SLC9A9: variants seen among roughly 807,000 people sequenced by gnomAD.
SLC9A9 encodes the protein sodium/hydrogen exchanger 9.
Under a neutral mutation model 77.8 loss-of-function variants are expected in SLC9A9, and 62 were observed. The observed-to-expected ratio is 0.80, with a 90% CI of 0.65 to 0.98. SLC9A9 has a LOEUF of 0.98. Among genes scored for constraint, SLC9A9 ranks in the 50% least tolerant of loss-of-function variants. The pLI is 0.00. For synonymous variants in SLC9A9, 320 were observed against 283.5 expected (o/e 1.13, Z -1.29); for missense variants, 775 against 774.9 (o/e 1.00, Z 0.00).
chr3:143,819,641 G>A (rs775587043), intron 2 of SLC9A9, among the ~76,000 whole-genome samples: 56 of 152,138 alleles, frequency 3.7e-4, no homozygotes, highest in Non-Finnish European at 6.9e-4. Flanking sequence ...AATTTCCATG[G>A]AAAAGAAAAT....
At chr3:143,543,682 G>A (rs779888108) in intron 9 of SLC9A9, among the ~76,000 whole-genome samples, 4 of 152,072 alleles carry the variant, frequency 2.6e-5, no homozygotes, top group Non-Finnish European at 4.4e-5. Flanking sequence ...TAGGATAATG[G>A]CCTCCAGCTG....
chr3:143,644,124 T>C (rs2038665701), intron 6 of SLC9A9, among the ~76,000 whole-genome samples: 1 of 152,196 alleles, frequency 6.6e-6, no homozygotes, highest in South Asian at 2.1e-4. Context: ...ACAGCCATGT[T>C]TGAAGTCTTA....
intron 4 of SLC9A9, among the ~76,000 whole-genome samples, chr3:143,761,951 T>A (rs77170148): frequency 0.35 from 52,721 of 151,926 alleles, 9,501 homozygotes; most frequent in African/African-American, 0.44. Context: ...CAAATGTCCA[T>A]CAATGATAGA....
intron 4 of SLC9A9, among the ~76,000 whole-genome samples, chr3:143,758,258 T>C (rs891772151): frequency 6.6e-6 from 1 of 152,214 alleles, no homozygotes. Flanking sequence ...ACAGATGTAT[T>C]CTAAAGTCCT....
chr3:143,785,441 T>G (rs757978574), intron 4 of SLC9A9, among the ~76,000 whole-genome samples: 14 of 152,048 alleles, frequency 9.2e-5, no homozygotes, highest in African/African-American at 3.4e-4. Context: ...GACAGGTGAG[T>G]GGGCCCATCT....
Position 143,266,801 on chromosome 3 carries a change from G to A in SLC9A9, c.1839C>T (p.Pro613=), listed in dbSNP as rs1281325265. 1 of 1,614,142 alleles carries A rather than the reference G, an allele frequency of 6.2e-7. No individual in the cohort carries two copies. The highest frequency in any genetic ancestry group is 8.5e-7 in the Non-Finnish European group (1 of 1,180,028). The change falls in exon 16 of 16, where the codon CCC becomes CCT. Residue 613 remains proline, a synonymous_variant. Coordinates refer to ENST00000316549, the MANE Select transcript of SLC9A9 (RefSeq NM_173653.4). Reference sequence around the variant, plus strand: ...AAATGTTTTCCTTGCCTGGCGTCTGGGGTGAAGCTTTCTGGTCCAGACCTA... The same window carrying A: ...AAATGTTTTCCTTGCCTGGCGTCTGAGGTGAAGCTTTCTGGTCCAGACCTA... The part of the protein sequence containing the change: ...ARLGLDQKAS[P]QTPGKENIYE...
chr3:143,797,376 G>A (rs1337084650), intron 2 of SLC9A9, among the ~76,000 whole-genome samples: 2 of 152,010 alleles, frequency 1.3e-5, no homozygotes, highest in African/African-American at 4.8e-5. Context: ...TGTTTATTGG[G>A]TTTTACTTAA....
At chr3:143,275,662 A>G (rs1938024576) in intron 14 of SLC9A9, among the ~76,000 whole-genome samples, 1 of 151,744 alleles carries the variant, frequency 6.6e-6, no homozygotes, top group Non-Finnish European at 1.5e-5. Context: ...TTCTATTTCT[A>G]GAGTTTGTTT....
intron 13 of SLC9A9, among the ~76,000 whole-genome samples, chr3:143,374,726 A>T (rs747907722): frequency 6.6e-6 from 1 of 152,200 alleles, no homozygotes; most frequent in African/African-American, 2.4e-5. Flanking sequence ...AAATAAGCAC[A>T]TTATGGAAAA....
At chr3:143,340,229 C>A (rs1056245065) in intron 14 of SLC9A9, among the ~76,000 whole-genome samples, 1 of 152,036 alleles carries the variant, frequency 6.6e-6, no homozygotes, top group Non-Finnish European at 1.5e-5. Flanking sequence ...CCTCACCAGA[C>A]CACAGAAGTT....
chr3:143,493,763 A>C lies in SLC9A9; in HGVS notation c.1205T>G (p.Leu402Arg). 1 of 1,606,092 alleles carries C rather than the reference A, an allele frequency of 6.2e-7. No homozygotes were observed. Among genetic ancestry groups the C allele is most frequent in the South Asian group, 1.1e-5 (1 of 90,922 alleles). ...GCAGGCTCTGGCAACAAAAATTGCT[A>C]GCTGTAGATAAGCACAGGGAAACAT... is the stretch of plus-strand genomic sequence containing the variant. ...FNALFILGAF[L>R]AIFVARACNI... The change falls in exon 11 of 16, where the codon CTA becomes CGA. Residue 402 changes from leucine to arginine, a missense_variant and splice_region_variant. Coordinates refer to ENST00000316549, the MANE Select transcript of SLC9A9 (RefSeq NM_173653.4).
intron 14 of SLC9A9, among the ~76,000 whole-genome samples, chr3:143,346,325 T>C (rs2032272637): frequency 1.3e-5 from 2 of 152,188 alleles, no homozygotes; most frequent in Non-Finnish European, 2.9e-5. Flanking sequence ...AATGGAAACC[T>C]CCTTAAATTT....
At chr3:143,815,650 G>T (rs9824913) in intron 2 of SLC9A9, among the ~76,000 whole-genome samples, 1 of 151,766 alleles carries the variant, frequency 6.6e-6, no homozygotes, top group South Asian at 2.1e-4. Context: ...CGGATCACGA[G>T]GTCAAGAGAT....
At chr3:143,737,372 T>G (rs1250327000) in intron 4 of SLC9A9, among the ~76,000 whole-genome samples, 1 of 152,108 alleles carries the variant, frequency 6.6e-6, no homozygotes, top group African/African-American at 2.4e-5. Context: ...GCATTTTTAT[T>G]TTTGGAAGAC....
At chr3:143,384,132 AGAAGGG>A (rs920056821) in intron 12 of SLC9A9, among the ~76,000 whole-genome samples, 1 of 151,298 alleles carries the variant, frequency 6.6e-6, no homozygotes, top group African/African-American at 2.4e-5. Flanking sequence ...AGGAGGAACA[AGAAGGG>A]GAAGGGGAGG....
chr3:143,391,535 T>C (rs1466216737), intron 12 of SLC9A9, among the ~76,000 whole-genome samples: 3 of 152,084 alleles, frequency 2.0e-5, no homozygotes, highest in Admixed American at 1.3e-4. Flanking sequence ...ATTCTAAAAA[T>C]CAGAGCGCCT....
chr3:143,530,658 C>CAA (rs1553763950), intron 9 of SLC9A9, among the ~76,000 whole-genome samples: 1 of 137,974 alleles, frequency 7.2e-6, no homozygotes, highest in African/African-American at 2.6e-5. Context: ...CAAAACAAAA[C>CAA]AAACAAACAA....
intron 14 of SLC9A9, among the ~76,000 whole-genome samples, chr3:143,302,450 T>C (rs2108429091): frequency 6.6e-6 from 1 of 152,020 alleles, no homozygotes; most frequent in South Asian, 2.1e-4. Flanking sequence ...TAATAAATAT[T>C]AAGAGGAATG....
intron 12 of SLC9A9, among the ~76,000 whole-genome samples, chr3:143,436,745 T>C (rs528208646): frequency 2.0e-5 from 3 of 152,332 alleles, no homozygotes; most frequent in African/African-American, 7.2e-5. Context: ...TGTTTCCTAA[T>C]GGACCAGCAA....
Sources: gnomAD v4.1 joint callset for allele counts (sites outside exome capture counted in the v4.1 genomes callset) on GRCh38, gnomAD v4.1.1 for gene constraint, MANE v1.5 for transcripts, NCBI Gene and HGNC (gene_info 2026-07-23, HGNC 2026-07-21) for gene names.